CSAD: variants seen among roughly 807,000 people sequenced by gnomAD.
CSAD encodes the protein P-selectin cytoplasmic tail-associated protein.
Under a neutral mutation model 61.5 loss-of-function variants are expected in CSAD, and 47 were observed. The observed-to-expected ratio is 0.76, with a 90% CI of 0.60 to 0.97. The LOEUF is 0.97. Among genes scored for constraint, CSAD ranks in the 50% least tolerant of loss-of-function variants. The pLI is 0.00. For synonymous variants in CSAD, 245 were observed against 252.7 expected (o/e 0.97, Z 0.29); for missense variants, 611 against 643.6 (o/e 0.95, Z 0.55).
chr12:53,175,275 C>T (rs1489188073), intron 2 of CSAD, among the ~76,000 whole-genome samples: 1 of 152,174 alleles, frequency 6.6e-6, no homozygotes, highest in African/African-American at 2.4e-5. Flanking sequence ...GGAAAAGACT[C>T]AGCAGGAGTC....
At chr12:53,174,914 T>C (rs929555205) in intron 2 of CSAD, among the ~76,000 whole-genome samples, 3 of 152,174 alleles carry the variant, frequency 2.0e-5, no homozygotes, top group Admixed American at 6.5e-5. Flanking sequence ...TCCACTGTTA[T>C]CAAAGGTCTA....
chr12:53,175,386 G>A (rs1165424720), intron 2 of CSAD, among the ~76,000 whole-genome samples: 4 of 152,160 alleles, frequency 2.6e-5, no homozygotes, highest in Non-Finnish European at 4.4e-5. Flanking sequence ...AAGGGATCTA[G>A]GCAATTGTCT....
intron 10 of CSAD, among the ~76,000 whole-genome samples, chr12:53,167,636 A>G: frequency 6.6e-6 from 1 of 152,244 alleles, no homozygotes; most frequent in Admixed American, 6.5e-5. Context: ...AAGATGCTCA[A>G]TATCATTAGT....
chr12:53,158,489 C>T lies in CSAD; in HGVS notation c.*22G>A. The T allele has an allele frequency of 6.2e-7, 1 of 1,603,766 alleles. No individual in the cohort carries two copies. Among genetic ancestry groups the T allele is most frequent in the South Asian group, 1.1e-5 (1 of 90,658 alleles). ...CTGCGGGTGAGGGGTGGTATCAAGG[C>T]CGGCAGCAAGACAGAGAAGGCTCAC... On this transcript the variant is annotated 3_prime_UTR_variant, in exon 17 of 17. Transcript: ENST00000444623.
Position 53,172,381 on chromosome 12 carries a change from G to A in CSAD, c.309C>T (p.Ala103=), listed in dbSNP as rs57871710. ...LFSGLDPHAL[A]GRIITESLNT... ...TGAGGCTCTCAGTGATAATGCGCCCGGCCAGAGCATGGGGATCCAACCCAG... is the reference window on the plus strand; with the variant it reads ...TGAGGCTCTCAGTGATAATGCGCCCAGCCAGAGCATGGGGATCCAACCCAG... Residue 103 remains alanine, a synonymous_variant, in exon 6 of 17, where the codon GCC becomes GCT. Coordinates refer to ENST00000444623, the MANE Select transcript of CSAD (RefSeq NM_001244705.2). 3.5e-3 allele frequency: 5,681 copies of A among 1,614,076 alleles called. 103 individuals carry two copies. Among genetic ancestry groups the A allele is most frequent in the African/African-American group, 0.032 (2,401 of 74,986 alleles).
chr12:53,160,063 AG>A lies in CSAD; in HGVS notation c.1166+56del, dbSNP rs1939091382. 5.6e-6 allele frequency: 9 copies of A among 1,604,150 alleles called. No individual in the cohort carries two copies. The Admixed American group carries it at 1.5e-4, about 27-fold the overall frequency. On this transcript the variant is annotated intron_variant, in intron 14 of 16. Coordinates refer to ENST00000444623, the MANE Select transcript of CSAD (RefSeq NM_001244705.2). ...GTAATCCCGGGAGCAGGAAAGAGGG[AG>A]GGGCATGGACCCAGGAGAGGGGAAC...
intron 2 of CSAD, among the ~76,000 whole-genome samples, chr12:53,176,256 A>G (rs2121519157): frequency 6.6e-6 from 1 of 152,104 alleles, no homozygotes; most frequent in East Asian, 1.9e-4. Flanking sequence ...CTAAAAATAC[A>G]AAAATTAGCC....
chr12:53,175,079 C>T (rs879945028), intron 2 of CSAD, among the ~76,000 whole-genome samples: 3 of 152,214 alleles, frequency 2.0e-5, no homozygotes, highest in Admixed American at 6.5e-5. Flanking sequence ...ACCCTAGGTG[C>T]TGCATCTGCC....
In CSAD at chr12:53,171,785, G is replaced by A; in HGVS notation, c.451+97C>T. On this transcript the variant is annotated intron_variant, in intron 7 of 16. Transcript: ENST00000444623. ...GTCCAGCTGGAGAGGAATCAAAGAG[G>A]AATCATCCCTCCCTGCCAGACACTA... The A allele has an allele frequency of 3.6e-6, 3 of 843,108 alleles. No homozygotes were observed. The East Asian group carries it at 7.8e-5, about 22-fold the overall frequency. The allele number at this position is 843,108 out of a possible 1,614,324, so 52.2% of individuals were successfully genotyped here.
intron 3 of CSAD, 48 bp from the exon 4 acceptor site, chr12:53,173,524 G>A (rs542798284): frequency 2.0e-5 from 32 of 1,613,358 alleles, no homozygotes; most frequent in African/African-American, 4.0e-5. Flanking sequence ...AACCCTTCCC[G>A]GACCTACCCA....
chr12:53,159,533 C>A, intron 16 of CSAD, 90 bp downstream of exon 16: 1 of 1,084,338 alleles, frequency 9.2e-7, no homozygotes, highest in Admixed American at 2.1e-5. Flanking sequence ...GCAAGGAGAC[C>A]TGCCATGCCA....
chr12:53,180,590 C>T lies in CSAD; in HGVS notation c.-91+142G>A, dbSNP rs1202784985. 17 of 1,285,260 alleles carry T rather than the reference C, an allele frequency of 1.3e-5. No homozygotes were observed. In the South Asian group the frequency reaches 1.7e-4, roughly 13 times the overall value. The allele number at this position is 1,285,260 out of a possible 1,614,324, so 79.6% of individuals were successfully genotyped here. A position where few individuals can be genotyped will look rare whatever the true frequency, so the allele number is the denominator to read the frequency against. On this transcript the variant is annotated intron_variant, in intron 1 of 16. Coordinates refer to ENST00000444623, the MANE Select transcript of CSAD (RefSeq NM_001244705.2). ...ACCCAGCTGCACCTCTCCGTGCGTCCCCAAGCTCACCCGCTCTGAGGCTGC... is the reference window on the plus strand; with the variant it reads ...ACCCAGCTGCACCTCTCCGTGCGTCTCCAAGCTCACCCGCTCTGAGGCTGC...
chr12:53,159,907 C>T lies in CSAD; in HGVS notation c.1198G>A (p.Gly400Arg), dbSNP rs751700748. Residue 400 changes from glycine to arginine, a missense_variant, in exon 15 of 17, where the codon GGG becomes AGG. Transcript: ENST00000444623. ...YLVEEMKKRE[G>R]FELVMEPEFV... The stretch of plus-strand genomic sequence containing the variant: ...CCTACCTCCATGACTAGCTCAAACC[C>T]TTCCCGCTTCTTCATTTCCTCCACC... The T allele has an allele frequency of 3.1e-6, 5 of 1,603,348 alleles. No individual in the cohort carries two copies. Among genetic ancestry groups the T allele is most frequent in the Non-Finnish European group, 3.4e-6 (4 of 1,173,978 alleles).
chr12:53,162,335 C>A (rs972667850), intron 10 of CSAD, among the ~76,000 whole-genome samples: 1 of 150,920 alleles, frequency 6.6e-6, no homozygotes, highest in African/African-American at 2.4e-5. Context: ...TTTGGGAGGC[C>A]GACGCGGGTG....
intron 1 of CSAD, chr12:53,179,917 A>G (rs879527329): frequency 5.0e-6 from 8 of 1,601,868 alleles, no homozygotes; most frequent in African/African-American, 1.3e-5. Flanking sequence ...TTCCTAATGC[A>G]GCCTGGCCCA....
Position 53,173,270 on chromosome 12 carries a change from AAAAG to A in CSAD, c.126+71_126+74del, listed in dbSNP as rs1453669410. On this transcript the variant is annotated intron_variant, in intron 4 of 16. Coordinates refer to ENST00000444623, the MANE Select transcript of CSAD (RefSeq NM_001244705.2). Reference sequence around the variant, plus strand: ...AAGGAAGGAAGGGGGGGGGAGAAAGAAAAGAAAGGAAAAAAGAAAAGAGAAAAGA... The same window carrying A: ...AAGGAAGGAAGGGGGGGGGAGAAAGAAAAGGAAAAAAGAAAAGAGAAAAGA... 203 of 1,374,576 alleles carry A rather than the reference AAAAG, an allele frequency of 1.5e-4. 2 individuals carry two copies. The East Asian group carries it at 4.6e-3, about 31-fold the overall frequency. The allele number at this position is 1,374,576 out of a possible 1,614,324, so 85.1% of individuals were successfully genotyped here.
intron 10 of CSAD, among the ~76,000 whole-genome samples, chr12:53,166,798 AAAAAC>A (rs200543576): frequency 2.0e-5 from 3 of 152,320 alleles, no homozygotes; most frequent in South Asian, 2.1e-4. Flanking sequence ...TCTGTCTCAG[AAAAAC>A]AAAACAAAAC....
intron 10 of CSAD, among the ~76,000 whole-genome samples, chr12:53,169,098 C>T (rs762375691): frequency 1.3e-4 from 19 of 151,866 alleles, no homozygotes; most frequent in Non-Finnish European, 2.1e-4. Context: ...GAGAATCACT[C>T]GAACCCGGGA....
chr12:53,159,447 T>C lies in CSAD; in HGVS notation c.1308+176A>G, dbSNP rs543178674. On this transcript the variant is annotated intron_variant, in intron 16 of 16. Coordinates refer to ENST00000444623, the MANE Select transcript of CSAD (RefSeq NM_001244705.2). Reference sequence around the variant, plus strand: ...TGTAACACACGTCGCTGCTTCTTACTTCCCAGAAACATACCTTCCTCCCCA... The same window carrying C: ...TGTAACACACGTCGCTGCTTCTTACCTCCCAGAAACATACCTTCCTCCCCA... 53 of 615,750 alleles carry C rather than the reference T, an allele frequency of 8.6e-5. 1 individual carries two copies. The South Asian group carries it at 9.7e-4, about 11-fold the overall frequency. The allele number at this position is 615,750 out of a possible 1,614,324, so 38.1% of individuals were successfully genotyped here.
Sources: allele counts gnomAD v4.1 joint callset (sites outside exome capture counted in the v4.1 genomes callset), GRCh38; gene constraint gnomAD v4.1.1; transcripts MANE v1.5; gene names NCBI Gene and HGNC (gene_info 2026-07-23, HGNC 2026-07-21).